SHD: variants seen among roughly 807,000 people sequenced by gnomAD.
SHD encodes Src homology 2 domain containing transforming protein D.
SHD carries 29 observed loss-of-function variants against 31.2 expected under a neutral mutation model. That is an observed-to-expected ratio of 0.93 (90% confidence interval 0.69 to 1.27). The LOEUF is 1.27. Among genes scored for constraint, SHD ranks in the 50% most tolerant of loss-of-function variants. SHD has a pLI of 0.00. For missense variants in SHD, 520 were observed against 453.8 expected (o/e 1.15, Z -1.33); for synonymous variants, 208 against 187.8 (o/e 1.11, Z -0.88).
rs1971231504 is a variant in SHD at position 4,279,387 on chromosome 19, G to C, written c.-677G>C. 1 of 152,372 alleles carries C rather than the reference G, an allele frequency of 6.6e-6. No homozygotes were observed. Among genetic ancestry groups the C allele is most frequent in the Non-Finnish European group, 1.5e-5 (1 of 68,220 alleles). 9.4% of individuals were successfully genotyped at this position (152,372 alleles called of 1,614,324 possible). The stretch of plus-strand genomic sequence containing the variant: ...AAGTCTCTCCGAAAGCGTGAAGGGG[G>C]ATTGGAGGAGGTTTTTATTTCCCTT... On this transcript the variant is annotated 5_prime_UTR_variant, in exon 1 of 6. Transcript: ENST00000543264. This position sits in a 1 kb window ranked among gnomAD's most constrained non-coding sequence, Gnocchi z 7.5.
intron 3 of SHD, among the ~76,000 whole-genome samples, chr19:4,283,552 C>CTTTATTTTAT (rs568664458): frequency 6.8e-6 from 1 of 147,566 alleles, no homozygotes. Flanking sequence ...GGCAGCATTT[C>CTTTATTTTAT]TTTATTTTAT....
intron 5 of SHD, 44 bp from the exon 6 acceptor site, chr19:4,290,403 T>A: frequency 6.4e-7 from 1 of 1,561,924 alleles, no homozygotes. Flanking sequence ...CCTTTCTGGG[T>A]GGGTCCGGGA....
chr19:4,286,627 C>T (rs984063525), intron 4 of SHD, among the ~76,000 whole-genome samples: 2 of 152,126 alleles, frequency 1.3e-5, no homozygotes, highest in Non-Finnish European at 2.9e-5. Flanking sequence ...AGGCCAGGCA[C>T]GGTGGCTCAC....
At chr19:4,283,835 C>T (rs925859518) in intron 3 of SHD, among the ~76,000 whole-genome samples, 7 of 151,094 alleles carry the variant, frequency 4.6e-5, no homozygotes, top group African/African-American at 1.5e-4. Flanking sequence ...GCCTCGGCCT[C>T]CCAAAGTGCT....
rs10404794 is a variant in SHD, at chr19:4,284,925, T to C, written c.716+21T>C. The stretch of plus-strand genomic sequence containing the variant: ...CAGCCGTGAGTGGGGAAGCTGAAGG[T>C]GGAAGAGCCCCGTTGAACGTATCTG... On this transcript the variant is annotated intron_variant, in intron 4 of 5. Coordinates refer to ENST00000543264, the MANE Select transcript of SHD (RefSeq NM_020209.4). 9,480 of 1,574,672 alleles carry C rather than the reference T, an allele frequency of 6.0e-3. 450 individuals are homozygous for C. In the African/African-American group the frequency reaches 0.11, roughly 18 times the overall value.
In SHD at chr19:4,283,144, C is replaced by G; in HGVS notation, c.494C>G (p.Pro165Arg). 1 of 1,614,150 alleles carries G rather than the reference C, an allele frequency of 6.2e-7. No individual in the cohort carries two copies. ...TADGPPSGQKPRQSRMPQEDE... is the reference protein window; with the variant it reads ...TADGPPSGQKRRQSRMPQEDE... ...GATGGACCCCCTTCTGGGCAGAAGC[C>G]TCGGCAGAGCCGGATGCCCCAGGAA... The change falls in exon 3 of 6, where the codon CCT (proline) becomes CGT (arginine). Residue 165 changes from proline to arginine, a missense_variant. By Grantham distance (103) the Pro-to-Arg change is moderately radical. Transcript: ENST00000543264.
chr19:4,288,688 T>C (rs1184020559), intron 5 of SHD, among the ~76,000 whole-genome samples: 1 of 152,158 alleles, frequency 6.6e-6, no homozygotes, highest in Admixed American at 6.6e-5. Flanking sequence ...GTATATCAAT[T>C]TGTGTCCATC....
chr19:4,286,318 A>ACCTT (rs1198443793), intron 4 of SHD, among the ~76,000 whole-genome samples: 26 of 80,654 alleles, frequency 3.2e-4, no homozygotes, highest in Middle Eastern at 8.8e-3. Flanking sequence ...CTTCCTTCCT[A>ACCTT]CCTTCCTTCC....
intron 3 of SHD, chr19:4,284,491 A>G (rs1446435010): frequency 4.1e-6 from 1 of 244,990 alleles, no homozygotes; most frequent in Non-Finnish European, 7.8e-6. Context: ...GAACCCCAGA[A>G]GGGGTTTAGG....
Position 4,280,058 on chromosome 19 carries a change from G to T in SHD, c.-6G>T. The T allele has an allele frequency of 9.4e-6, 15 of 1,591,300 alleles. No individual in the cohort carries two copies. Among genetic ancestry groups the T allele is most frequent in the Non-Finnish European group, 1.3e-5 (15 of 1,169,984 alleles). On this transcript the variant is annotated 5_prime_UTR_variant, in exon 1 of 6. Transcript: ENST00000543264. ...CAGTGGCCCGATTGGGGTGACAGGC[G>T]CCCAAATGGCCAAGTGGCTACGGGA...
chr19:4,285,377 G>A (rs907099980), intron 4 of SHD, among the ~76,000 whole-genome samples: 35 of 152,288 alleles, frequency 2.3e-4, no homozygotes, highest in African/African-American at 7.9e-4. Context: ...CGTGAGCCGG[G>A]AGACGCTGAC....
chr19:4,288,955 G>C (rs1971347861), intron 5 of SHD, among the ~76,000 whole-genome samples: 1 of 151,964 alleles, frequency 6.6e-6, no homozygotes, highest in African/African-American at 2.4e-5. Context: ...GGCCAACATG[G>C]TGAAACCCCT....
At chr19:4,282,833 C>T in intron 1 of SHD, 37 bp from the exon 2 acceptor site, 1 of 1,599,528 alleles carries the variant, frequency 6.3e-7, no homozygotes, top group Non-Finnish European at 8.6e-7. Context: ...GGAAGCCCCT[C>T]TGAGTCCTTG....
At chr19:4,287,823 T>C (rs1415691843) in intron 4 of SHD, among the ~76,000 whole-genome samples, 1 of 151,950 alleles carries the variant, frequency 6.6e-6, no homozygotes, top group Non-Finnish European at 1.5e-5. Flanking sequence ...GAATTGTCCT[T>C]CTTCATTTGC....
intron 5 of SHD, among the ~76,000 whole-genome samples, chr19:4,289,030 G>A (rs144727106): frequency 0.14 from 20,674 of 151,354 alleles, 1,706 homozygotes; most frequent in South Asian, 0.27. Flanking sequence ...CAGCTACCTC[G>A]GAGGCTGAGG....
At position 4,280,167 on chromosome 19, in the gene SHD, G is replaced by T; in HGVS notation, c.104G>T (p.Arg35Leu). 4 of 1,613,834 alleles carry T rather than the reference G, an allele frequency of 2.5e-6. No individual in the cohort carries two copies. The highest frequency in any genetic ancestry group is 3.4e-6 in the Non-Finnish European group (4 of 1,179,992). ...GAGAGCGACATCCTGAGGGCCTACC[G>T]CGCGCAGAAGAACCTGGACTTCGAG... ...YTESDILRAY[R>L]AQKNLDFEDP... The change falls in exon 1 of 6, where the codon CGC becomes CTC. Residue 35 changes from arginine to leucine, a missense_variant. By Grantham distance (102) the Arg-to-Leu change is moderately radical. Transcript: ENST00000543264.
chr19:4,283,578 T>A (rs1409010889), intron 3 of SHD, among the ~76,000 whole-genome samples: 3 of 151,854 alleles, frequency 2.0e-5, no homozygotes, highest in Non-Finnish European at 4.4e-5. Context: ...TTTATTTTAT[T>A]TTTCTTTCGT....
chr19:4,280,208 G>A lies in SHD; in HGVS notation c.145G>A (p.Ala49Thr). The stretch of plus-strand genomic sequence containing the variant: ...GGACTTCGAGGACCCCTATGAGGAC[G>A]CGGAGAGCCGCTTGGAGCCGGACCC... ...NLDFEDPYED[A>T]ESRLEPDPAG... The change falls in exon 1 of 6, where the codon GCG (alanine) becomes ACG (threonine). Residue 49 changes from alanine to threonine, a missense_variant. By Grantham distance (58) the Ala-to-Thr change is moderately conservative. Coordinates refer to ENST00000543264, the MANE Select transcript of SHD (RefSeq NM_020209.4). 6.2e-7 allele frequency: 1 copy of A among 1,613,838 alleles called. No individual in the cohort carries two copies. The highest frequency in any genetic ancestry group is 8.5e-7 in the Non-Finnish European group (1 of 1,179,964).
chr19:4,289,470 T>C (rs1202974788), intron 5 of SHD, among the ~76,000 whole-genome samples: 1 of 151,888 alleles, frequency 6.6e-6, no homozygotes, highest in African/African-American at 2.4e-5. Context: ...GGTCTCAAAC[T>C]CCTGGCCTCA....
Sources: gnomAD v4.1 joint callset for allele counts (sites outside exome capture counted in the v4.1 genomes callset) on GRCh38, gnomAD v4.1.1 for gene constraint, Gnocchi (gnomAD v3.1) non-coding constraint, MANE v1.5 for transcripts, NCBI Gene and HGNC (gene_info 2026-07-23, HGNC 2026-07-21) for gene names.